LRRC7: variants seen among roughly 807,000 people sequenced by gnomAD.
LRRC7 encodes leucine-rich repeat-containing protein 7.
In LRRC7, 23 loss-of-function variants were observed where a neutral mutation model predicts 175.7. That is an observed-to-expected ratio of 0.13 (90% CI 0.09 to 0.19). The LOEUF (loss-of-function observed/expected upper bound fraction) is 0.19. Ranked by LOEUF, LRRC7 falls within the 10% of genes least tolerant of loss-of-function variation. The probability of loss-of-function intolerance (pLI) is 1.00; values close to 1 mark genes in which losing one functional copy is unlikely to be tolerated. For missense variants in LRRC7, 1,354 were observed against 1,904.7 expected (o/e 0.71, Z 5.38); for synonymous variants, 685 against 680.9 (o/e 1.01, Z -0.09).
At chr1:69,753,037 A>G (rs1388511147) in intron 2 of LRRC7, among the ~76,000 whole-genome samples, 1 of 152,134 alleles carries the variant, frequency 6.6e-6, no homozygotes, top group African/African-American at 2.4e-5. Flanking sequence ...TCTCTAATGT[A>G]TACTGGACGG....
chr1:69,845,260 A>C (rs1318652673), intron 7 of LRRC7, among the ~76,000 whole-genome samples: 2 of 152,090 alleles, frequency 1.3e-5, no homozygotes. Flanking sequence ...CAAATAAATA[A>C]ATAAAAGGCT....
At position 69,887,792 on chromosome 1, in the gene LRRC7, T is replaced by G. The variant is rs1344581232; in HGVS notation, c.648-43715T>G. Among the ~76,000 whole-genome samples, 850 of 146,302 alleles carry G rather than the reference T, an allele frequency of 5.8e-3. 10 individuals are homozygous for G. Among genetic ancestry groups the G allele is most frequent in the African/African-American group, 0.021 (805 of 38,492 alleles). On this transcript the variant is annotated intron_variant, in intron 7 of 26. Coordinates refer to ENST00000651989, the MANE Select transcript of LRRC7 (RefSeq NM_001370785.2). Reference sequence around the variant, plus strand: ...TGATGATGGTGATGTACAGATGGGTTTTTGGTGTGGATGTCCTTTCTGTTT... The same window carrying G: ...TGATGATGGTGATGTACAGATGGGTGTTTGGTGTGGATGTCCTTTCTGTTT...
At chr1:69,766,507 T>C (rs567276916) in intron 3 of LRRC7, among the ~76,000 whole-genome samples, 27 of 152,284 alleles carry the variant, frequency 1.8e-4, no homozygotes, top group African/African-American at 6.3e-4. Context: ...TCAGAGTGGA[T>C]ACAACATTAG....
intron 15 of LRRC7, among the ~76,000 whole-genome samples, chr1:70,020,200 C>G (rs1657337301): frequency 6.6e-6 from 1 of 151,886 alleles, no homozygotes; most frequent in East Asian, 1.9e-4. Flanking sequence ...CAAAGAAAGA[C>G]ATATATGATA....
intron 24 of LRRC7, among the ~76,000 whole-genome samples, chr1:70,081,466 A>G (rs1348685098): frequency 6.6e-6 from 1 of 152,228 alleles, no homozygotes; most frequent in Non-Finnish European, 1.5e-5. Flanking sequence ...TAATGTTGTG[A>G]TATAGGTAGA....
At position 70,039,137 on chromosome 1, in the gene LRRC7, G is replaced by A. The variant is rs758326913; in HGVS notation, c.3313G>A (p.Ala1105Thr). ...CGTGCAACAGGCCAGCAAAAACATC[G>A]CCAAGGATTTGATTAGTCCTAGAGC... ...EYVQQASKNI[A>T]KDLISPRAYR... The change falls in exon 21 of 27, where the codon GCC (alanine) becomes ACC (threonine). Residue 1105 changes from alanine (A) to threonine (T), a missense_variant. Ala to Thr is a moderately conservative substitution (Grantham distance 58, BLOSUM62 0). Around this residue, in one of 4 missense-constraint regions of LRRC7, gnomAD observed 1,032 missense variants for 1,227.2 expected, o/e 0.84. Transcript: ENST00000651989. 39 of 1,613,918 alleles carry A rather than the reference G, an allele frequency of 2.4e-5. No homozygotes were observed. Among genetic ancestry groups the A allele is most frequent in the East Asian group, 1.6e-4 (7 of 44,858 alleles).
At chr1:69,672,616 AC>A (rs1326070359) in intron 1 of LRRC7, among the ~76,000 whole-genome samples, 1 of 152,050 alleles carries the variant, frequency 6.6e-6, no homozygotes, top group African/African-American at 2.4e-5. Flanking sequence ...TATATTTGAA[AC>A]CTTTATTCTA....
At chr1:69,791,628 G>T (rs1675134320) in intron 3 of LRRC7, among the ~76,000 whole-genome samples, 1 of 152,020 alleles carries the variant, frequency 6.6e-6, no homozygotes, top group South Asian at 2.1e-4. Flanking sequence ...ACTGTTCAAT[G>T]TGATTACATT....
At chr1:69,946,586 C>T (rs143469443) in intron 8 of LRRC7, among the ~76,000 whole-genome samples, 37 of 151,934 alleles carry the variant, frequency 2.4e-4, no homozygotes, top group African/African-American at 8.2e-4. Context: ...ATTCTGATAT[C>T]GGGTTTGCAT....
At chr1:70,058,341 TA>T (rs957783560) in intron 23 of LRRC7, among the ~76,000 whole-genome samples, 22 of 152,306 alleles carry the variant, frequency 1.4e-4, no homozygotes, top group African/African-American at 1.7e-4. Flanking sequence ...CTATTAGTAT[TA>T]AAAGTTTAGG....
chr1:69,585,346 GCAA>G (rs1374926692), intron 1 of LRRC7, among the ~76,000 whole-genome samples: 1 of 152,098 alleles, frequency 6.6e-6, no homozygotes, highest in Non-Finnish European at 1.5e-5. Context: ...AATTCAAAGA[GCAA>G]AAGGGAAGCA....
Position 69,700,946 on chromosome 1 carries a change from G to A in LRRC7, c.100+22468G>A, listed in dbSNP as rs140794661. 7.9e-5 allele frequency among the ~76,000 whole-genome samples: 12 copies of A among 152,262 alleles called. No homozygotes were observed. In the East Asian group the frequency reaches 2.1e-3, roughly 27 times the overall value. Reference sequence around the variant, plus strand: ...GACAACCCGTCAGTAGTCCACTGTAGCTCTGAGCCCATGACTGTCCTGCGC... The same window carrying A: ...GACAACCCGTCAGTAGTCCACTGTAACTCTGAGCCCATGACTGTCCTGCGC... On this transcript the variant is annotated intron_variant, in intron 2 of 26. Transcript: ENST00000651989.
intron 4 of LRRC7, among the ~76,000 whole-genome samples, chr1:69,823,260 T>C (rs1679511123): frequency 6.6e-6 from 1 of 152,218 alleles, no homozygotes; most frequent in South Asian, 2.1e-4. Context: ...TTTACTCTTC[T>C]TTGAACTTCC....
intron 3 of LRRC7, among the ~76,000 whole-genome samples, chr1:69,769,418 G>A (rs1226743518): frequency 1.4e-5 from 2 of 147,466 alleles, no homozygotes; most frequent in East Asian, 3.9e-4. Context: ...AACTTTTTGA[G>A]CACAGACATA....
chr1:69,814,918 A>G (rs1316210686), intron 4 of LRRC7, among the ~76,000 whole-genome samples: 1 of 152,052 alleles, frequency 6.6e-6, no homozygotes, highest in African/African-American at 2.4e-5. Flanking sequence ...TCCTGAATTT[A>G]ATGTTTGTTT....
chr1:69,851,380 A>G (rs1441359702), intron 7 of LRRC7, among the ~76,000 whole-genome samples: 1 of 152,128 alleles, frequency 6.6e-6, no homozygotes, highest in Non-Finnish European at 1.5e-5. Context: ...TTAAAGATAG[A>G]TCTTAGTGGA....
At chr1:69,888,220 A>G (rs376583539) in intron 7 of LRRC7, among the ~76,000 whole-genome samples, 49 of 151,980 alleles carry the variant, frequency 3.2e-4, no homozygotes, top group East Asian at 1.4e-3. Flanking sequence ...CCCCAGCCTC[A>G]CTGCCTCCTT....
chr1:69,644,294 C>CT (rs1557534957), intron 1 of LRRC7, among the ~76,000 whole-genome samples: 1 of 151,952 alleles, frequency 6.6e-6, no homozygotes, highest in Non-Finnish European at 1.5e-5. Flanking sequence ...GTATTTCTCT[C>CT]TTTTTTTCTG....
rs541409931 is a variant in LRRC7 at position 70,067,790 on chromosome 1, T to A, written c.4231-8287T>A. Among the ~76,000 whole-genome samples, 20 of 152,276 alleles carry A rather than the reference T, an allele frequency of 1.3e-4. No individual in the cohort carries two copies. In the South Asian group the frequency reaches 3.7e-3, roughly 28 times the overall value. ...ATTTAAATCTTCTTGGATATCTTCA[T>A]CAGCATGTAAGTATAGTTTTCAGCT... On this transcript the variant is annotated intron_variant, in intron 23 of 26. Coordinates refer to ENST00000651989, the MANE Select transcript of LRRC7 (RefSeq NM_001370785.2).
Sources: allele counts gnomAD v4.1 joint callset (sites outside exome capture counted in the v4.1 genomes callset), GRCh38; gene constraint gnomAD v4.1.1; regional missense constraint gnomAD v4.1.1; transcripts MANE v1.5; gene names NCBI Gene and HGNC (gene_info 2026-07-23, HGNC 2026-07-21).